The following ZKSCAN5 variants were observed in gnomAD, a reference collection of about 807,000 sequenced individuals.
ZKSCAN5 encodes zinc finger with KRAB and SCAN domains 5, also known as zinc finger protein with KRAB and SCAN domains 5.
Under a neutral mutation model 60.0 loss-of-function variants are expected in ZKSCAN5, and 28 were observed. That is an observed-to-expected ratio of 0.47 (90% CI 0.35 to 0.64). The LOEUF (loss-of-function observed/expected upper bound fraction) is 0.64, where lower values mean the gene tolerates loss of function less well. Ranked by LOEUF, ZKSCAN5 falls within the 30% of genes least tolerant of loss-of-function variation. The pLI, the probability that ZKSCAN5 is intolerant of heterozygous loss-of-function variation, is 0.01. For synonymous variants in ZKSCAN5, 361 were observed against 371.2 expected (o/e 0.97, Z 0.31); for missense variants, 881 against 1,034.6 (o/e 0.85, Z 2.04).
At chr7:99,518,849 C>G (rs1237854806) in intron 3 of ZKSCAN5, among the ~76,000 whole-genome samples, 8 of 149,576 alleles carry the variant, frequency 5.3e-5, no homozygotes, top group African/African-American at 2.0e-4. Context: ...CTAATTTTTG[C>G]ATTTTTAGTA....
rs1159994686 is a variant in ZKSCAN5, at chr7:99,531,653, T to C, written c.1924T>C (p.Phe642Leu). 1.2e-6 allele frequency: 2 copies of C among 1,614,040 alleles called. No homozygotes were observed. Among genetic ancestry groups the C allele is most frequent in the Non-Finnish European group, 1.7e-6 (2 of 1,180,036 alleles). The change falls in exon 7 of 7, where the codon TTT becomes CTT. Residue 642 changes from phenylalanine to leucine, a missense_variant. Coordinates refer to ENST00000326775, the MANE Select transcript of ZKSCAN5 (RefSeq NM_145102.4). ...CAAGTGTAACGAATGTGGGAAAGGC[T>C]TTGGGAGGCGTTCCCACCTGGCTGG... ...PFKCNECGKG[F>L]GRRSHLAGHL...
intron 2 of ZKSCAN5, among the ~76,000 whole-genome samples, chr7:99,510,556 T>C (rs1456760438): frequency 6.6e-6 from 1 of 152,026 alleles, no homozygotes; most frequent in African/African-American, 2.4e-5. Context: ...GCGATTCTCC[T>C]GCCTCAGCCT....
chr7:99,508,261 T>G (rs1201080365), intron 2 of ZKSCAN5, among the ~76,000 whole-genome samples: 1 of 151,830 alleles, frequency 6.6e-6, no homozygotes, highest in African/African-American at 2.4e-5. Context: ...ATTGTGCCAC[T>G]GCACTCCAGC....
Position 99,520,226 on chromosome 7 carries a change from T to A in ZKSCAN5, c.694T>A (p.Trp232Arg). ...DVAVSFILEE[W>R]GHLDQSQKSL... is the part of the protein sequence containing the mutation. The stretch of plus-strand genomic sequence containing the variant: ...GGCTGTATCCTTCATCCTGGAGGAA[T>A]GGGGGCATTTGGACCAGTCCCAGAA... Residue 232 changes from tryptophan to arginine, a missense_variant, in exon 5 of 7, where the codon TGG becomes AGG. Transcript: ENST00000326775. 1 of 1,614,110 alleles carries A rather than the reference T, an allele frequency of 6.2e-7. No individual in the cohort carries two copies. The highest frequency in any genetic ancestry group is 8.5e-7 in the Non-Finnish European group (1 of 1,180,022).
At chr7:99,507,823 T>C (rs1800836641) in intron 2 of ZKSCAN5, among the ~76,000 whole-genome samples, 1 of 151,856 alleles carries the variant, frequency 6.6e-6, no homozygotes, top group South Asian at 2.1e-4. Flanking sequence ...GCAGGATCCC[T>C]TGAACCTGGT....
intron 3 of ZKSCAN5, among the ~76,000 whole-genome samples, chr7:99,513,397 CT>C (rs1801127376): frequency 6.6e-6 from 1 of 152,034 alleles, no homozygotes; most frequent in South Asian, 2.1e-4. Context: ...CATAGATTGT[CT>C]TTCTTTTATT....
Position 99,531,527 on chromosome 7 carries a change from A to T in ZKSCAN5, c.1798A>T (p.Thr600Ser), listed in dbSNP as rs142661399. ...CCTAACTCAGCATCAGCGCGTCCACACAGGTGAGAAGCCCTACACCTGTCC... is the reference window on the plus strand; with the variant it reads ...CCTAACTCAGCATCAGCGCGTCCACTCAGGTGAGAAGCCCTACACCTGTCC... ...VHLTQHQRVH[T>S]GEKPYTCPLC... The change falls in exon 7 of 7, where the codon ACA becomes TCA. Residue 600 changes from threonine (T) to serine (S), a missense_variant. By Grantham distance (58) the Thr-to-Ser change is moderately conservative. Around this residue, in one of 5 missense-constraint regions of ZKSCAN5, gnomAD observed 112 missense variants for 182.4 expected, o/e 0.61. Coordinates refer to ENST00000326775, the MANE Select transcript of ZKSCAN5 (RefSeq NM_145102.4). 6.2e-7 allele frequency: 1 copy of T among 1,614,188 alleles called. No homozygotes were observed. The highest frequency in any genetic ancestry group is 1.7e-5 in the Admixed American group (1 of 60,022).
At chr7:99,527,880 G>C (rs1202989532) in intron 6 of ZKSCAN5, among the ~76,000 whole-genome samples, 1 of 151,758 alleles carries the variant, frequency 6.6e-6, no homozygotes, top group East Asian at 1.9e-4. Context: ...GTAGAGATGG[G>C]GTTTCACTAT....
At chr7:99,507,608 T>A (rs1047441466) in intron 2 of ZKSCAN5, among the ~76,000 whole-genome samples, 3 of 150,484 alleles carry the variant, frequency 2.0e-5, no homozygotes, top group African/African-American at 7.3e-5. Flanking sequence ...TATATATATG[T>A]ATATATATAG....
intron 1 of ZKSCAN5, 72 bp from the exon 2 acceptor site, chr7:99,505,933 A>G: frequency 7.9e-7 from 1 of 1,260,654 alleles, no homozygotes; most frequent in Non-Finnish European, 1.1e-6. Flanking sequence ...GATGCCCAAT[A>G]CATCAGTAGG....
rs1469911400 is a variant in ZKSCAN5, at chr7:99,512,478, C to G, written c.440C>G (p.Pro147Arg). ...QQIVACPDVL[P>R]RKMATPGAVQ... ...ATTGTTGCCTGCCCTGATGTGCTTC[C>G]TCGGAAGATGGCAACACCTGGAGCA... The change falls in exon 3 of 7, where the codon CCT (proline) becomes CGT (arginine). Residue 147 changes from proline to arginine, a missense_variant. By Grantham distance (103) the Pro-to-Arg change is moderately radical. Transcript: ENST00000326775. 1.2e-6 allele frequency: 2 copies of G among 1,613,544 alleles called. No individual in the cohort carries two copies. Among genetic ancestry groups the G allele is most frequent in the South Asian group, 1.1e-5 (1 of 91,024 alleles).
At position 99,531,423 on chromosome 7, in the gene ZKSCAN5, T is replaced by C. The variant is rs1033964770; in HGVS notation, c.1694T>C (p.Ile565Thr). The change falls in exon 7 of 7, where the codon ATT becomes ACT. Residue 565 changes from isoleucine (I) to threonine (T), a missense_variant. Ile to Thr is a moderately conservative substitution (Grantham distance 89). This residue lies in a region of ZKSCAN5 where 490 missense variants were observed against 554.5 expected (regional missense o/e 0.88). Coordinates refer to ENST00000326775, the MANE Select transcript of ZKSCAN5 (RefSeq NM_145102.4). ...AGCTTCATTCAGAGTGCACATCTTATTCAACATCAAAGAATACACACTGGG... is the reference window on the plus strand; with the variant it reads ...AGCTTCATTCAGAGTGCACATCTTACTCAACATCAAAGAATACACACTGGG... ...GKSFIQSAHL[I>T]QHQRIHTGEK... The C allele has an allele frequency of 1.9e-6, 3 of 1,614,092 alleles. No homozygotes were observed. Among genetic ancestry groups the C allele is most frequent in the Admixed American group, 3.3e-5 (2 of 59,998 alleles).
At chr7:99,507,632 G>A (rs1017721495) in intron 2 of ZKSCAN5, among the ~76,000 whole-genome samples, 1 of 150,608 alleles carries the variant, frequency 6.6e-6, no homozygotes, top group Non-Finnish European at 1.5e-5. Context: ...GGGCGCAGTG[G>A]CTCACACCTG....
intron 3 of ZKSCAN5, among the ~76,000 whole-genome samples, chr7:99,515,812 C>T (rs928048407): frequency 7.7e-5 from 11 of 142,818 alleles, no homozygotes; most frequent in African/African-American, 2.9e-4. Context: ...CCAGCCTGGG[C>T]GACAAAGCAA....
intron 2 of ZKSCAN5, among the ~76,000 whole-genome samples, chr7:99,509,736 G>A (rs961183325): frequency 4.6e-5 from 7 of 152,170 alleles, no homozygotes; most frequent in African/African-American, 1.7e-4. Flanking sequence ...AAAGTGCTGG[G>A]ATTACAGGTG....
At chr7:99,528,819 G>A (rs1199486950) in intron 6 of ZKSCAN5, among the ~76,000 whole-genome samples, 2 of 152,202 alleles carry the variant, frequency 1.3e-5, no homozygotes, top group Non-Finnish European at 2.9e-5. Context: ...CACAGGATCT[G>A]CAGTGACCAG....
At chr7:99,510,735 C>T (rs187909597) in intron 2 of ZKSCAN5, among the ~76,000 whole-genome samples, 102 of 151,992 alleles carry the variant, frequency 6.7e-4, no homozygotes, top group African/African-American at 2.3e-3. Context: ...TGAGCCACTG[C>T]GCCTGGCCTA....
At chr7:99,505,231 A>T (rs923990223) in intron 1 of ZKSCAN5, 1 of 151,794 alleles carries the variant, frequency 6.6e-6, no homozygotes, top group African/African-American at 2.4e-5. Context: ...TAACGGTTTA[A>T]CCCCGTTGGA....
chr7:99,507,417 G>A (rs1474427366), intron 2 of ZKSCAN5, among the ~76,000 whole-genome samples: 1 of 151,336 alleles, frequency 6.6e-6, no homozygotes, highest in Non-Finnish European at 1.5e-5. Context: ...ATGTGTGTAT[G>A]TAATATACAT....
Sources: gnomAD v4.1 joint callset for allele counts (sites outside exome capture counted in the v4.1 genomes callset) on GRCh38, gnomAD v4.1.1 for gene constraint, gnomAD v4.1.1 regional missense constraint, MANE v1.5 for transcripts, NCBI Gene and HGNC (gene_info 2026-07-23, HGNC 2026-07-21) for gene names.